FSIP1: variants seen among roughly 807,000 people sequenced by gnomAD.
FSIP1 encodes the protein fibrous sheath-interacting protein 1.
In FSIP1, 65 loss-of-function variants were observed where a neutral mutation model predicts 60.9. The ratio of observed to expected loss-of-function variants is 1.07; its 90% CI spans 0.87 to 1.31. The LOEUF is 1.31. Ranked by LOEUF, FSIP1 falls within the 40% of genes most tolerant of loss-of-function variation. The pLI is 0.00. For missense variants in FSIP1, 675 were observed against 665.5 expected (o/e 1.01, Z -0.16); for synonymous variants, 209 against 221.2 (o/e 0.94, Z 0.49).
intron 11 of FSIP1, among the ~76,000 whole-genome samples, chr15:39,616,239 G>T (rs557544532): frequency 6.6e-6 from 1 of 152,242 alleles, no homozygotes; most frequent in East Asian, 1.9e-4. Context: ...TATTTTCAGT[G>T]TTTTATTCTA....
intron 4 of FSIP1, 86 bp downstream of exon 4, chr15:39,765,506 A>T (rs1435129350): frequency 1.0e-6 from 1 of 975,696 alleles, no homozygotes; most frequent in East Asian, 2.7e-5. Context: ...AGCCTCCCTA[A>T]GTGCTGGGAT....
chr15:39,757,222 T>A (rs1279959390), intron 5 of FSIP1, among the ~76,000 whole-genome samples: 1 of 152,138 alleles, frequency 6.6e-6, no homozygotes, highest in African/African-American at 2.4e-5. Flanking sequence ...AAATAATTTT[T>A]AAATTTTTAT....
Position 39,630,038 on chromosome 15 carries a change from G to A in FSIP1, c.1189-11793C>T, listed in dbSNP as rs116283668. ...GACTTGTAGCATTTCCCAGGGTTGA[G>A]CAAGTGCTCCTGAAGCTCTGCCCTG... On this transcript the variant is annotated intron_variant, in intron 10 of 11. Coordinates refer to ENST00000350221, the MANE Select transcript of FSIP1 (RefSeq NM_152597.5). Among the ~76,000 whole-genome samples the A allele has an allele frequency of 3.6e-3, 552 of 152,298 alleles. 5 individuals are homozygous for A. Among genetic ancestry groups the A allele is most frequent in the African/African-American group, 0.013 (530 of 41,558 alleles).
chr15:39,652,621 T>C (rs1359966623), intron 10 of FSIP1, among the ~76,000 whole-genome samples: 1 of 152,220 alleles, frequency 6.6e-6, no homozygotes, highest in East Asian at 1.9e-4. Context: ...ATAATTTCAA[T>C]AACTTCAAAA....
Position 39,653,080 on chromosome 15 carries a change from G to A in FSIP1, c.1189-34835C>T, listed in dbSNP as rs532325964. 3.3e-5 allele frequency among the ~76,000 whole-genome samples: 5 copies of A among 151,868 alleles called. No individual in the cohort carries two copies. In the East Asian group the frequency reaches 9.7e-4, roughly 29 times the overall value. ...AGTCCCAGCTACTTGGGAGGCTGAG[G>A]TGGAAGGATGTCTTGAGCCTGGGAG... On this transcript the variant is annotated intron_variant, in intron 10 of 11. Coordinates refer to ENST00000350221, the MANE Select transcript of FSIP1 (RefSeq NM_152597.5).
chr15:39,698,503 A>G (rs1894917051), intron 10 of FSIP1, among the ~76,000 whole-genome samples: 1 of 152,194 alleles, frequency 6.6e-6, no homozygotes, highest in Admixed American at 6.5e-5. Context: ...CACACTCGGT[A>G]AAACACCTGC....
intron 11 of FSIP1, 97 bp from the exon 12 acceptor site, chr15:39,601,023 C>A: frequency 1.1e-6 from 1 of 900,624 alleles, no homozygotes; most frequent in East Asian, 2.5e-5. Context: ...AATCCCTTTA[C>A]ACATGAGGCA....
chr15:39,769,146 G>C (rs1897793262), intron 3 of FSIP1, among the ~76,000 whole-genome samples: 1 of 152,008 alleles, frequency 6.6e-6, no homozygotes, highest in African/African-American at 2.4e-5. Flanking sequence ...GGGCGTGGTA[G>C]CGGGCGCCTG....
chr15:39,726,671 A>G lies in FSIP1; in HGVS notation c.968T>C (p.Ile323Thr), dbSNP rs138106608. Residue 323 changes from isoleucine (I) to threonine (T), a missense_variant, in exon 9 of 12, where the codon ATT (isoleucine) becomes ACT (threonine). By Grantham distance (89) the Ile-to-Thr change is moderately conservative. Transcript: ENST00000350221. ...AGAGAGTTCTTGGAGTTTTATATCA[A>G]TTTCAGCAAGCTGCTGATGCTGGGT... ...AVTQHQQLAE[I>T]DIKLQELSAA... 5 of 1,613,926 alleles carry G rather than the reference A, an allele frequency of 3.1e-6. No homozygotes were observed. The highest frequency in any genetic ancestry group is 2.7e-5 in the African/African-American group (2 of 74,914).
intron 9 of FSIP1, among the ~76,000 whole-genome samples, chr15:39,722,827 C>T (rs1033932890): frequency 2.6e-5 from 4 of 151,820 alleles, no homozygotes; most frequent in Admixed American, 2.0e-4. Flanking sequence ...CTTCTGGGGA[C>T]GGTGAGGTTG....
chr15:39,765,871 GGTACCAT>G (rs1897668286), intron 3 of FSIP1, 125 bp from the exon 4 acceptor site: 4 of 521,080 alleles, frequency 7.7e-6, no homozygotes, highest in Non-Finnish European at 1.0e-5. Flanking sequence ...CTACTACATT[GGTACCAT>G]GTATCTCAAT....
chr15:39,710,571 A>G (rs1895465781), intron 10 of FSIP1, among the ~76,000 whole-genome samples: 1 of 152,230 alleles, frequency 6.6e-6, no homozygotes, highest in African/African-American at 2.4e-5. Flanking sequence ...GTATAGGGGA[A>G]CCCAAACATT....
intron 10 of FSIP1, among the ~76,000 whole-genome samples, chr15:39,636,036 C>T (rs959044457): frequency 4.6e-5 from 7 of 152,132 alleles, no homozygotes; most frequent in African/African-American, 1.7e-4. Flanking sequence ...TGGAATACAG[C>T]TCTCCATACC....
At chr15:39,767,385 T>C (rs1426317399) in intron 3 of FSIP1, among the ~76,000 whole-genome samples, 1 of 152,122 alleles carries the variant, frequency 6.6e-6, no homozygotes, top group South Asian at 2.1e-4. Flanking sequence ...ACAAATCCAA[T>C]GTAAACTGTG....
intron 9 of FSIP1, among the ~76,000 whole-genome samples, chr15:39,720,742 C>CA (rs1895925375): frequency 6.6e-6 from 1 of 150,550 alleles, no homozygotes; most frequent in Non-Finnish European, 1.5e-5. Context: ...GAACATCACT[C>CA]AGTTTTATGG....
At chr15:39,598,220 C>T (rs180717009), downstream of FSIP1, 26 of 152,288 alleles carry the variant, frequency 1.7e-4, no homozygotes, top group East Asian at 3.5e-3. Context: ...GGTTAAAGGT[C>T]TGGCTTTGAG....
At chr15:39,760,413 C>T (rs1408884472) in intron 5 of FSIP1, among the ~76,000 whole-genome samples, 1 of 152,046 alleles carries the variant, frequency 6.6e-6, no homozygotes, top group Non-Finnish European at 1.5e-5. Flanking sequence ...CCAGCAGACA[C>T]CATCTTAACA....
intron 10 of FSIP1, among the ~76,000 whole-genome samples, chr15:39,661,779 T>G (rs903112394): frequency 2.0e-5 from 3 of 152,208 alleles, no homozygotes; most frequent in East Asian, 1.9e-4. Flanking sequence ...TATTAATTTT[T>G]GGGTCATATC....
At chr15:39,724,753 T>C (rs1031859021) in intron 9 of FSIP1, among the ~76,000 whole-genome samples, 4 of 152,254 alleles carry the variant, frequency 2.6e-5, no homozygotes, top group Non-Finnish European at 4.4e-5. Flanking sequence ...ACATTTTCTA[T>C]ATTTAAGACC....
Sources: gnomAD v4.1 joint callset for allele counts (sites outside exome capture counted in the v4.1 genomes callset) on GRCh38, gnomAD v4.1.1 for gene constraint, MANE v1.5 for transcripts, NCBI Gene and HGNC (gene_info 2026-07-23, HGNC 2026-07-21) for gene names.